Variants in BRINP2 observed in about 807,000 individuals in gnomAD.
BRINP2 encodes BMP/retinoic acid-inducible neural-specific protein 2.
Under a neutral mutation model 69.2 loss-of-function variants are expected in BRINP2, and 21 were observed. The ratio of observed to expected loss-of-function variants is 0.30; its 90% CI spans 0.22 to 0.44. BRINP2 has a LOEUF of 0.44. Ranked by LOEUF, BRINP2 falls within the 20% of genes least tolerant of loss-of-function variation. The pLI is 1.00. For synonymous variants in BRINP2, 380 were observed against 394.1 expected, an observed-to-expected ratio of 0.96 and a Z score of 0.42; for missense variants, 877 against 986.0, an observed-to-expected ratio of 0.89 and a Z score of 1.48.
intron 1 of BRINP2, 133 bp from the exon 2 acceptor site, chr1:177,229,666 GCT>G (rs1297154335): frequency 1.4e-5 from 8 of 580,496 alleles, no homozygotes; most frequent in Non-Finnish European, 2.3e-5. Context: ...CAAGCACTTA[GCT>G]AAATGCCGAG....
At chr1:177,194,694 C>T (rs577202876) in intron 1 of BRINP2, among the ~76,000 whole-genome samples, 5 of 152,156 alleles carry the variant, frequency 3.3e-5, no homozygotes, top group Admixed American at 1.3e-4. Flanking sequence ...ACTCTCTTTC[C>T]GTACATTTAT....
chr1:177,209,579 T>C (rs1293173469), intron 1 of BRINP2, among the ~76,000 whole-genome samples: 1 of 152,166 alleles, frequency 6.6e-6, no homozygotes, highest in Non-Finnish European at 1.5e-5. Context: ...GTGTGATGAA[T>C]TGTTTCTGTT....
chr1:177,211,258 A>G (rs1402778071), intron 1 of BRINP2, among the ~76,000 whole-genome samples: 1 of 152,180 alleles, frequency 6.6e-6, no homozygotes, highest in Admixed American at 6.5e-5. Context: ...GTAAATATAT[A>G]TAACTTTATT....
At chr1:177,194,860 C>T (rs1234799133) in intron 1 of BRINP2, among the ~76,000 whole-genome samples, 1 of 152,122 alleles carries the variant, frequency 6.6e-6, no homozygotes, top group Non-Finnish European at 1.5e-5. Flanking sequence ...TTAAGACGCT[C>T]TGTACTTTCT....
chr1:177,247,691 A>G (rs758551589), intron 2 of BRINP2, among the ~76,000 whole-genome samples: 1 of 152,236 alleles, frequency 6.6e-6, no homozygotes, highest in Non-Finnish European at 1.5e-5. Context: ...ATAGAGGTCA[A>G]TGTCCTTACC....
intron 2 of BRINP2, among the ~76,000 whole-genome samples, chr1:177,254,218 G>T (rs144959847): frequency 1.3e-5 from 2 of 152,092 alleles, no homozygotes; most frequent in Non-Finnish European, 2.9e-5. Flanking sequence ...ATATGGATCC[G>T]CTTAGTCTAT....
At chr1:177,254,407 C>T (rs1650686996) in intron 2 of BRINP2, among the ~76,000 whole-genome samples, 1 of 151,264 alleles carries the variant, frequency 6.6e-6, no homozygotes. Context: ...CACACACACA[C>T]ACTATCTTCA....
At chr1:177,216,667 A>AG (rs1484670029) in intron 1 of BRINP2, among the ~76,000 whole-genome samples, 1 of 72 alleles carries the variant, frequency 0.014, no homozygotes, top group African/African-American at 0.045. Flanking sequence ...CAATTCCTGC[A>AG]AGCAGGCCTA....
At chr1:177,226,080 A>G (rs1649681643) in intron 1 of BRINP2, among the ~76,000 whole-genome samples, 1 of 152,238 alleles carries the variant, frequency 6.6e-6, no homozygotes, top group African/African-American at 2.4e-5. Flanking sequence ...CCGTTGACTT[A>G]ATATATCTTT....
At chr1:177,248,426 A>T (rs1453189077) in intron 2 of BRINP2, among the ~76,000 whole-genome samples, 1 of 150,878 alleles carries the variant, frequency 6.6e-6, no homozygotes, top group African/African-American at 2.4e-5. Context: ...AGCTTCACTG[A>T]GGTACAGTTT....
intron 2 of BRINP2, among the ~76,000 whole-genome samples, chr1:177,232,691 G>A (rs1407199749): frequency 6.6e-6 from 1 of 151,912 alleles, no homozygotes; most frequent in African/African-American, 2.4e-5. Context: ...GACCTTGCTG[G>A]ATTGACTAAA....
At chr1:177,242,623 A>G (rs1471625398) in intron 2 of BRINP2, among the ~76,000 whole-genome samples, 1 of 152,064 alleles carries the variant, frequency 6.6e-6, no homozygotes, top group African/African-American at 2.4e-5. Context: ...ATGATTCCCC[A>G]TCAGTTTATT....
intron 1 of BRINP2, among the ~76,000 whole-genome samples, chr1:177,184,846 A>G (rs1429048531): frequency 6.6e-6 from 1 of 152,192 alleles, no homozygotes; most frequent in East Asian, 1.9e-4. Flanking sequence ...TTTAGTGTTC[A>G]GGATTTCAAA....
At chr1:177,243,611 G>C (rs1292282052) in intron 2 of BRINP2, among the ~76,000 whole-genome samples, 1 of 152,162 alleles carries the variant, frequency 6.6e-6, no homozygotes, top group African/African-American at 2.4e-5. Flanking sequence ...AGCCAAGATT[G>C]TTTCATCAGG....
chr1:177,172,176 A>G (rs929356211), intron 1 of BRINP2, among the ~76,000 whole-genome samples: 2 of 152,164 alleles, frequency 1.3e-5, no homozygotes, highest in Non-Finnish European at 2.9e-5. Context: ...CACGATATCT[A>G]TATTATCGTG....
chr1:177,267,636 A>G (rs942129638), intron 4 of BRINP2, among the ~76,000 whole-genome samples: 2 of 152,146 alleles, frequency 1.3e-5, no homozygotes, highest in South Asian at 4.1e-4. Context: ...CATAGTTTTC[A>G]ATTCTCTTGA....
At chr1:177,210,802 G>GC (rs1044201492) in intron 1 of BRINP2, among the ~76,000 whole-genome samples, 30 of 151,162 alleles carry the variant, frequency 2.0e-4, no homozygotes, top group Admixed American at 1.8e-3. Context: ...ACTGAGATGT[G>GC]CAGTAAATGT....
At chr1:177,202,912 G>T (rs1302407840) in intron 1 of BRINP2, among the ~76,000 whole-genome samples, 1 of 152,082 alleles carries the variant, frequency 6.6e-6, no homozygotes, top group Non-Finnish European at 1.5e-5. Context: ...TGTGGAAGTC[G>T]GTGTGGCAAT....
intron 4 of BRINP2, among the ~76,000 whole-genome samples, chr1:177,271,617 A>C (rs1651331110): frequency 6.6e-6 from 1 of 152,164 alleles, no homozygotes; most frequent in Non-Finnish European, 1.5e-5. Context: ...GTTCTTGGGA[A>C]AGTTAAGTGG....
Sources: allele counts gnomAD v4.1 joint callset (sites outside exome capture counted in the v4.1 genomes callset), GRCh38; gene constraint gnomAD v4.1.1; transcripts MANE v1.5; gene names NCBI Gene and HGNC (gene_info 2026-07-23, HGNC 2026-07-21).